The following ADAM18 variants were observed in gnomAD, a reference collection of about 807,000 sequenced individuals.
The protein encoded by ADAM18 is ADAM metallopeptidase domain 18.
In ADAM18, 117 loss-of-function variants were observed where a neutral mutation model predicts 94.4. The observed-to-expected ratio is 1.24, with a 90% confidence interval of 1.07 to 1.45. The LOEUF (loss-of-function observed/expected upper bound fraction) is 1.45, where lower values mean the gene tolerates loss of function less well. Among genes scored for constraint, ADAM18 ranks in the 40% most tolerant of loss-of-function variants. ADAM18 has a pLI of 0.00. For synonymous variants in ADAM18, 327 were observed against 291.6 expected (o/e 1.12, Z -1.24); for missense variants, 936 against 880.0 (o/e 1.06, Z -0.81).
At chr8:39,625,319 C>T (rs532226168) in intron 6 of ADAM18, among the ~76,000 whole-genome samples, 96 of 152,002 alleles carry the variant, frequency 6.3e-4, no homozygotes, top group Admixed American at 1.1e-3. Flanking sequence ...ATTGAGATCT[C>T]GATTTGATTC....
chr8:39,639,384 C>T (rs1820173871), intron 10 of ADAM18, among the ~76,000 whole-genome samples: 1 of 151,828 alleles, frequency 6.6e-6, no homozygotes, highest in Non-Finnish European at 1.5e-5. Context: ...CTATTTTGCT[C>T]AATATTATGT....
At chr8:39,703,301 G>C (rs1468462611) in intron 17 of ADAM18, among the ~76,000 whole-genome samples, 3 of 152,110 alleles carry the variant, frequency 2.0e-5, no homozygotes, top group Non-Finnish European at 1.5e-5. Context: ...TGGTGTATCA[G>C]AATGCTAGCA....
In ADAM18 at chr8:39,647,998, G is replaced by T. The variant is rs116551526; in HGVS notation, c.1047-346G>T. 6.0e-3 allele frequency among the ~76,000 whole-genome samples: 916 copies of T among 152,232 alleles called. 5 individuals carry two copies. Among genetic ancestry groups the T allele is most frequent in the African/African-American group, 0.021 (870 of 41,536 alleles). On this transcript the variant is annotated intron_variant, in intron 11 of 19. Transcript: ENST00000265707. ...TCTCTCTTTCTTTTCCCTACAAAAT[G>T]AAGGAAGAAAGCTTGAACTATATAA...
intron 17 of ADAM18, among the ~76,000 whole-genome samples, chr8:39,696,078 A>T (rs899813546): frequency 5.3e-5 from 8 of 151,412 alleles, no homozygotes; most frequent in African/African-American, 1.7e-4. Flanking sequence ...ATTTTTTAAT[A>T]ATAACCATCT....
At chr8:39,695,000 T>G (rs1428714998) in intron 17 of ADAM18, among the ~76,000 whole-genome samples, 1 of 151,534 alleles carries the variant, frequency 6.6e-6, no homozygotes, top group Admixed American at 6.6e-5. Context: ...CATGAACTTT[T>G]TACTGTTTCT....
At chr8:39,690,142 T>C (rs1821730955) in intron 16 of ADAM18, among the ~76,000 whole-genome samples, 2 of 152,158 alleles carry the variant, frequency 1.3e-5, no homozygotes, top group South Asian at 2.1e-4. Context: ...TGAGCTCCAG[T>C]TGGGCTGGAG....
At chr8:39,697,241 A>G (rs986961615) in intron 17 of ADAM18, among the ~76,000 whole-genome samples, 2 of 151,652 alleles carry the variant, frequency 1.3e-5, no homozygotes, top group Non-Finnish European at 3.0e-5. Context: ...AACTTTGTTA[A>G]TTTATTAGTC....
intron 19 of ADAM18, 149 bp from the exon 20 acceptor site, chr8:39,729,748 TA>T (rs1475304456): frequency 3.3e-6 from 2 of 610,642 alleles, no homozygotes; most frequent in Non-Finnish European, 5.7e-6. Context: ...GTAACATCTA[TA>T]ATATAGATAA....
chr8:39,686,959 T>C (rs1343022624), intron 16 of ADAM18, among the ~76,000 whole-genome samples: 1 of 152,220 alleles, frequency 6.6e-6, no homozygotes, highest in African/African-American at 2.4e-5. Context: ...AGTGCCTTCA[T>C]CACAGGATGT....
chr8:39,667,566 C>T (rs1379056504), intron 13 of ADAM18, among the ~76,000 whole-genome samples: 2 of 152,028 alleles, frequency 1.3e-5, no homozygotes, highest in Non-Finnish European at 2.9e-5. Flanking sequence ...AAAAGTAAAA[C>T]AGATAGATTG....
At chr8:39,713,059 C>T (rs768507895) in intron 18 of ADAM18, among the ~76,000 whole-genome samples, 1 of 152,080 alleles carries the variant, frequency 6.6e-6, no homozygotes, top group Non-Finnish European at 1.5e-5. Flanking sequence ...GTTACAGTAA[C>T]CAAAAGAGCA....
intron 2 of ADAM18, among the ~76,000 whole-genome samples, chr8:39,599,632 C>G (rs557803504): frequency 6.6e-6 from 1 of 152,196 alleles, no homozygotes; most frequent in South Asian, 2.1e-4. Context: ...TTTCTAGACA[C>G]AGATATTGCT....
intron 19 of ADAM18, among the ~76,000 whole-genome samples, chr8:39,727,942 T>A (rs1822963940): frequency 6.6e-6 from 1 of 152,204 alleles, no homozygotes. Flanking sequence ...CTCACAGTTC[T>A]GCAGGCTTTA....
At chr8:39,708,235 C>T (rs1822294173) in intron 18 of ADAM18, among the ~76,000 whole-genome samples, 1 of 152,146 alleles carries the variant, frequency 6.6e-6, no homozygotes, top group East Asian at 1.9e-4. Flanking sequence ...GGGGGAGTGA[C>T]TACTGTAATC....
chr8:39,640,194 T>C (rs888543167), intron 10 of ADAM18, among the ~76,000 whole-genome samples: 3 of 151,918 alleles, frequency 2.0e-5, no homozygotes, highest in African/African-American at 7.2e-5. Context: ...TCCTCCAACC[T>C]CCAACAGGCT....
rs1160704732 is a variant in ADAM18 at position 39,680,160 on chromosome 8, C to T, written c.1755C>T (p.Ser585=). ...DHVCVSIATG[S]SMRSDGTDNA... ...TATGTGTATCTATAGCCACTGGTTC[C>T]TCCATGAGATCAGATGGAACAGACA... The change falls in exon 16 of 20, where the codon TCC becomes TCT. Residue 585 remains serine, a synonymous_variant. Coordinates refer to ENST00000265707, the MANE Select transcript of ADAM18 (RefSeq NM_014237.3). 2 of 1,613,832 alleles carry T rather than the reference C, an allele frequency of 1.2e-6. No homozygotes were observed. The highest frequency in any genetic ancestry group is 4.5e-5 in the East Asian group (2 of 44,852).
At chr8:39,710,129 A>G (rs571118509) in intron 18 of ADAM18, among the ~76,000 whole-genome samples, 1 of 152,322 alleles carries the variant, frequency 6.6e-6, no homozygotes, top group East Asian at 1.9e-4. Flanking sequence ...AACACTGGAG[A>G]TAACTTCTGT....
rs534202361 is a variant in ADAM18 at position 39,679,069 on chromosome 8, GA to G, written c.1632-964del. 1.7e-3 allele frequency among the ~76,000 whole-genome samples: 253 copies of G among 152,260 alleles called. 1 individual carries two copies. The highest frequency in any genetic ancestry group is 5.7e-3 in the African/African-American group (236 of 41,570). Reference sequence around the variant, plus strand: ...AGAAATATCAAGACCTGGGAAAGTAGAAAAGTTATGCTGGAGGGAAGACAAA... The same window carrying G: ...AGAAATATCAAGACCTGGGAAAGTAGAAAGTTATGCTGGAGGGAAGACAAA... On this transcript the variant is annotated intron_variant, in intron 15 of 19. Transcript: ENST00000265707.
At chr8:39,696,759 T>C (rs1821937928) in intron 17 of ADAM18, among the ~76,000 whole-genome samples, 1 of 151,704 alleles carries the variant, frequency 6.6e-6, no homozygotes, top group Admixed American at 6.6e-5. Context: ...TTGTTTTCAT[T>C]ATTGTGGCTT....
Sources: gnomAD v4.1 joint callset for allele counts (sites outside exome capture counted in the v4.1 genomes callset) on GRCh38, gnomAD v4.1.1 for gene constraint, MANE v1.5 for transcripts, NCBI Gene and HGNC (gene_info 2026-07-23, HGNC 2026-07-21) for gene names.